FMN2: variants seen among roughly 807,000 people sequenced by gnomAD.
FMN2 encodes the protein formin 2.
Under a neutral mutation model 142.3 loss-of-function variants are expected in FMN2, and 51 were observed. The observed-to-expected ratio is 0.36, with a 90% confidence interval of 0.29 to 0.45. The LOEUF (loss-of-function observed/expected upper bound fraction) is 0.45. FMN2 is among the 20% of genes least tolerant of loss of function. The pLI is 1.00. For missense variants in FMN2, 1,936 were observed against 2,122.8 expected, an observed-to-expected ratio of 0.91 and a Z score of 1.73; for synonymous variants, 882 against 869.8, an observed-to-expected ratio of 1.01 and a Z score of -0.25.
chr1:240,373,665 C>A (rs1053044896), intron 14 of FMN2, among the ~76,000 whole-genome samples: 2 of 152,182 alleles, frequency 1.3e-5, no homozygotes, highest in Non-Finnish European at 2.9e-5. Flanking sequence ...CATCCTCAGG[C>A]TCCACTTCTC....
chr1:240,235,622 T>C (rs1424963211), intron 6 of FMN2: 11 of 152,130 alleles, frequency 7.2e-5, no homozygotes, highest in Admixed American at 7.2e-4. Context: ...GTTCTCACTA[T>C]GTTGCCCAGG....
chr1:240,116,699 T>A (rs1662037095), intron 1 of FMN2, among the ~76,000 whole-genome samples: 1 of 151,572 alleles, frequency 6.6e-6, no homozygotes, highest in Admixed American at 6.6e-5. Flanking sequence ...GAGGCTGCAG[T>A]GAGTTATGAT....
At chr1:240,386,125 C>CTGTGACA (rs1312592858) in intron 14 of FMN2, among the ~76,000 whole-genome samples, 2 of 152,152 alleles carry the variant, frequency 1.3e-5, no homozygotes, top group East Asian at 3.9e-4. Context: ...AAGTCATGCA[C>CTGTGACA]TGTGACATGT....
At chr1:240,121,608 C>G (rs1238768052) in intron 1 of FMN2, among the ~76,000 whole-genome samples, 1 of 151,018 alleles carries the variant, frequency 6.6e-6, no homozygotes, top group Non-Finnish European at 1.5e-5. Context: ...CCAGGATGGT[C>G]TTGATCTCCT....
Position 240,138,373 on chromosome 1 carries a change from T to C in FMN2, c.1782+15028T>C, listed in dbSNP as rs1036293896. 7.3e-5 allele frequency among the ~76,000 whole-genome samples: 11 copies of C among 151,522 alleles called. No homozygotes were observed. The East Asian group carries it at 2.1e-3, about 29-fold the overall frequency. On this transcript the variant is annotated intron_variant, in intron 2 of 17. Transcript: ENST00000319653. ...AACAGTGCCCTCAACTATGAAGGAG[T>C]TAGGTAGTAGAAAATCCTTTTATTT... is the stretch of plus-strand genomic sequence containing the variant.
intron 1 of FMN2, among the ~76,000 whole-genome samples, chr1:240,110,109 G>T (rs989069917): frequency 1.3e-5 from 2 of 152,182 alleles, no homozygotes; most frequent in Admixed American, 1.3e-4. Flanking sequence ...AGCCCCTGCA[G>T]GGCACAGACC....
chr1:240,462,264 T>C (rs1178409565), intron 16 of FMN2, among the ~76,000 whole-genome samples: 4 of 152,224 alleles, frequency 2.6e-5, no homozygotes, highest in Non-Finnish European at 5.9e-5. Context: ...ACATGATTTC[T>C]TGCTGTATCC....
At chr1:240,226,162 A>T (rs373040358) in intron 6 of FMN2, among the ~76,000 whole-genome samples, 14 of 152,342 alleles carry the variant, frequency 9.2e-5, no homozygotes, top group African/African-American at 3.4e-4. Flanking sequence ...TCTCAACTTT[A>T]TGAAAAACAT....
intron 7 of FMN2, 24 bp downstream of exon 7, chr1:240,258,056 G>A (rs1358817072): frequency 1.3e-6 from 2 of 1,561,600 alleles, no homozygotes; most frequent in Admixed American, 1.8e-5. Context: ...TGAAAATTTA[G>A]CTTCTGAATA....
At chr1:240,283,903 G>A (rs150905317) in intron 7 of FMN2, among the ~76,000 whole-genome samples, 14 of 152,258 alleles carry the variant, frequency 9.2e-5, no homozygotes, top group African/African-American at 2.4e-4. Context: ...AAACTGATCC[G>A]GTCAGTGAGA....
At chr1:240,431,374 T>C (rs924916335) in intron 15 of FMN2, among the ~76,000 whole-genome samples, 1 of 147,530 alleles carries the variant, frequency 6.8e-6, no homozygotes, top group African/African-American at 2.5e-5. Context: ...GTAAACTCCA[T>C]AGTGTTTTCT....
At chr1:240,328,248 C>T (rs114965412) in intron 8 of FMN2, among the ~76,000 whole-genome samples, 2,264 of 150,686 alleles carry the variant, frequency 0.015, 68 homozygotes, top group African/African-American at 0.051. Flanking sequence ...TTATATTTTC[C>T]CCCAAGTACA....
At chr1:240,452,923 C>T (rs979898590) in intron 16 of FMN2, among the ~76,000 whole-genome samples, 16 of 152,072 alleles carry the variant, frequency 1.1e-4, no homozygotes, top group African/African-American at 2.7e-4. Context: ...TTAATGTTTT[C>T]GTTTTACAAA....
At position 240,333,853 on chromosome 1, in the gene FMN2, A is replaced by C. The variant is rs901648950; in HGVS notation, c.4585-34A>C. 3 of 1,538,026 alleles carry C rather than the reference A, an allele frequency of 2.0e-6. No individual in the cohort carries two copies. The Admixed American group carries it at 5.8e-5, about 30-fold the overall frequency. Reference sequence around the variant, plus strand: ...CACTTTATATTTAATTAGTTAAAAAATATATTGTCACTGACTTTGGTCTTT... The same window carrying C: ...CACTTTATATTTAATTAGTTAAAAACTATATTGTCACTGACTTTGGTCTTT... On this transcript the variant is annotated intron_variant, in intron 11 of 17. Coordinates refer to ENST00000319653, the MANE Select transcript of FMN2 (RefSeq NM_020066.5).
chr1:240,437,372 C>T (rs1042136745), intron 15 of FMN2, among the ~76,000 whole-genome samples: 1 of 148,686 alleles, frequency 6.7e-6, no homozygotes, highest in Admixed American at 6.8e-5. Flanking sequence ...CGGCTCACTG[C>T]AAGCTGTGCC....
intron 6 of FMN2, among the ~76,000 whole-genome samples, chr1:240,241,212 T>G (rs1360171699): frequency 1.3e-5 from 2 of 151,332 alleles, no homozygotes; most frequent in African/African-American, 4.9e-5. Flanking sequence ...CACTTTGGTG[T>G]ATTTTCAACT....
chr1:240,092,804 C>T lies in FMN2; in HGVS notation c.695C>T (p.Pro232Leu), dbSNP rs1208458170. ...QQQQLQGAEE[P>L]AAPPTAVSPQ... ...CAGCAGCTCCAGGGCGCCGAGGAGC[C>T]TGCAGCGCCCCCCACTGCCGTCTCC... The change falls in exon 1 of 18, where the codon CCT becomes CTT. Residue 232 changes from proline (P) to leucine (L), a missense_variant. By Grantham distance (98) the Pro-to-Leu change is moderately conservative (BLOSUM62 -3). Coordinates refer to ENST00000319653, the MANE Select transcript of FMN2 (RefSeq NM_020066.5). 2 of 1,585,792 alleles carry T rather than the reference C, an allele frequency of 1.3e-6. No homozygotes were observed. The highest frequency in any genetic ancestry group is 1.3e-5 in the African/African-American group (1 of 74,436).
At position 240,092,828 on chromosome 1, in the gene FMN2, C is replaced by G. The variant is rs746501698; in HGVS notation, c.719C>G (p.Ser240Cys). The G allele has an allele frequency of 1.3e-6, 2 of 1,566,038 alleles. No homozygotes were observed. Among genetic ancestry groups the G allele is most frequent in the Admixed American group, 1.9e-5 (1 of 52,616 alleles). Residue 240 changes from serine to cysteine, a missense_variant, in exon 1 of 18, where the codon TCC becomes TGC. By Grantham distance (112) the Ser-to-Cys change is moderately radical. This residue lies in a region of FMN2 where 751 missense variants were observed against 791.8 expected (regional missense o/e 0.95). Coordinates refer to ENST00000319653, the MANE Select transcript of FMN2 (RefSeq NM_020066.5). ...CCTGCAGCGCCCCCCACTGCCGTCT[C>G]CCCTCAGCCCGGGGCCTTCCTGGGC... ...EEPAAPPTAV[S>C]PQPGAFLGLD...
intron 7 of FMN2, among the ~76,000 whole-genome samples, chr1:240,283,325 T>C (rs1260564675): frequency 1.3e-5 from 2 of 152,216 alleles, no homozygotes; most frequent in Non-Finnish European, 2.9e-5. Flanking sequence ...CTCTTTTCTT[T>C]GCAGTTCCTC....
Sources: gnomAD v4.1 joint callset for allele counts (sites outside exome capture counted in the v4.1 genomes callset) on GRCh38, gnomAD v4.1.1 for gene constraint, gnomAD v4.1.1 regional missense constraint, MANE v1.5 for transcripts, NCBI Gene and HGNC (gene_info 2026-07-23, HGNC 2026-07-21) for gene names.